The following HDAC9 variants were observed in gnomAD, a reference collection of about 807,000 sequenced individuals.
HDAC9 encodes histone deacetylase 9.
A neutral mutation model predicts 139.4 loss-of-function variants in HDAC9; 41 were observed. That is an observed-to-expected ratio of 0.29 (90% confidence interval 0.23 to 0.38). The LOEUF is 0.38. Among genes scored for constraint, HDAC9 ranks in the 10% least tolerant of loss-of-function variants. HDAC9 has a pLI of 1.00. For missense variants in HDAC9, 1,147 were observed against 1,297.0 expected, an observed-to-expected ratio of 0.88 and a Z score of 1.78; for synonymous variants, 517 against 476.2, an observed-to-expected ratio of 1.09 and a Z score of -1.12.
chr7:18,169,240 A>G (rs1788233199), intron 2 of HDAC9, among the ~76,000 whole-genome samples: 1 of 152,058 alleles, frequency 6.6e-6, no homozygotes, highest in African/African-American at 2.4e-5. Context: ...CCCAGCCTGC[A>G]AAAGTATTTT....
chr7:18,801,452 G>A (rs377211342), intron 17 of HDAC9, among the ~76,000 whole-genome samples: 12 of 151,932 alleles, frequency 7.9e-5, no homozygotes, highest in African/African-American at 2.9e-4. Context: ...CCTTGGTTAT[G>A]ATTTATTATC....
intron 2 of HDAC9, among the ~76,000 whole-genome samples, chr7:18,269,436 T>A (rs1354735466): frequency 6.6e-6 from 1 of 152,038 alleles, no homozygotes; most frequent in South Asian, 2.1e-4. Flanking sequence ...AGTCTAAAGG[T>A]TTAAAAGAGA....
intron 2 of HDAC9, among the ~76,000 whole-genome samples, chr7:18,547,600 A>T (rs1815416657): frequency 6.6e-6 from 1 of 152,178 alleles, no homozygotes. Flanking sequence ...TTTTCCTTTC[A>T]TGAAAGATTT....
chr7:18,413,037 A>G (rs1475850578), intron 1 of HDAC9, among the ~76,000 whole-genome samples: 1 of 152,226 alleles, frequency 6.6e-6, no homozygotes, highest in Non-Finnish European at 1.5e-5. Context: ...TAGCTTAAGT[A>G]AATTGTAAAA....
chr7:18,275,717 G>A (rs559384047), intron 2 of HDAC9, among the ~76,000 whole-genome samples: 10 of 152,084 alleles, frequency 6.6e-5, no homozygotes, highest in African/African-American at 1.4e-4. Flanking sequence ...GTTTGTTTAC[G>A]TGGCCTTTCC....
At chr7:18,396,560 T>C (rs1787083388) in intron 1 of HDAC9, among the ~76,000 whole-genome samples, 1 of 152,146 alleles carries the variant, frequency 6.6e-6, no homozygotes, top group South Asian at 2.1e-4. Flanking sequence ...CTTGATTTTT[T>C]ACTTGAATTA....
chr7:18,919,710 G>A (rs887238591), intron 22 of HDAC9, among the ~76,000 whole-genome samples: 9 of 151,932 alleles, frequency 5.9e-5, no homozygotes, highest in South Asian at 2.1e-4. Flanking sequence ...CCTAGACCTG[G>A]AATAACAATG....
chr7:18,922,996 G>C (rs1363525536), intron 22 of HDAC9, among the ~76,000 whole-genome samples: 1 of 152,052 alleles, frequency 6.6e-6, no homozygotes, highest in Non-Finnish European at 1.5e-5. Context: ...TTATTAGGAT[G>C]AGTTACACAA....
intron 17 of HDAC9, among the ~76,000 whole-genome samples, chr7:18,801,970 G>A (rs1249610168): frequency 6.6e-6 from 1 of 151,710 alleles, no homozygotes; most frequent in African/African-American, 2.4e-5. Context: ...GATCAACTCT[G>A]TCAGAAGTTT....
chr7:18,689,850 G>A (rs947266435), intron 12 of HDAC9, among the ~76,000 whole-genome samples: 2 of 151,760 alleles, frequency 1.3e-5, no homozygotes, highest in Non-Finnish European at 2.9e-5. Context: ...CTAGGGAGAG[G>A]GAATAATCCA....
chr7:18,154,943 A>G (rs535324416), intron 1 of HDAC9, among the ~76,000 whole-genome samples: 101 of 152,336 alleles, frequency 6.6e-4, no homozygotes, highest in African/African-American at 2.4e-3. Flanking sequence ...CGTGTGAGTT[A>G]CAAAGCCCTC....
chr7:18,475,635 A>T (rs1022565521), intron 1 of HDAC9, among the ~76,000 whole-genome samples: 2 of 152,194 alleles, frequency 1.3e-5, no homozygotes, highest in Non-Finnish European at 2.9e-5. Flanking sequence ...ATGCAGCTGC[A>T]TAATTATACA....
chr7:18,090,456 A>G (rs1208692346), intron 1 of HDAC9, among the ~76,000 whole-genome samples: 1 of 152,220 alleles, frequency 6.6e-6, no homozygotes, highest in Non-Finnish European at 1.5e-5. Context: ...ACACCTCTGC[A>G]GAATATTTGT....
intron 12 of HDAC9, among the ~76,000 whole-genome samples, chr7:18,693,955 A>G (rs1782850606): frequency 6.6e-6 from 1 of 152,212 alleles, no homozygotes; most frequent in African/African-American, 2.4e-5. Flanking sequence ...GTAAACTAGT[A>G]GCCAACTAAA....
intron 1 of HDAC9, among the ~76,000 whole-genome samples, chr7:18,155,921 C>T (rs775097104): frequency 1.8e-4 from 28 of 152,124 alleles, no homozygotes; most frequent in Non-Finnish European, 3.2e-4. Context: ...GTTAAATCAC[C>T]GACTGCATTG....
intron 1 of HDAC9, among the ~76,000 whole-genome samples, chr7:18,380,041 T>G (rs778227373): frequency 4.6e-5 from 7 of 152,100 alleles, no homozygotes; most frequent in Non-Finnish European, 7.4e-5. Flanking sequence ...ACCAATTGAG[T>G]TCTTAAAGAC....
chr7:18,601,434 C>T (rs1583933507), intron 6 of HDAC9, among the ~76,000 whole-genome samples: 1 of 151,894 alleles, frequency 6.6e-6, no homozygotes. Flanking sequence ...TACTTTATTT[C>T]TTCATTCCCA....
At chr7:18,168,507 G>A (rs1252577353) in intron 2 of HDAC9, among the ~76,000 whole-genome samples, 1 of 152,080 alleles carries the variant, frequency 6.6e-6, no homozygotes, top group African/African-American at 2.4e-5. Context: ...CCTTTATGGA[G>A]GATTTTTTTG....
Position 18,324,313 on chromosome 7 carries a change from C to T in HDAC9, c.-42+33798C>T, listed in dbSNP as rs140769597. ...CATGCTGATGTGATTATAGAAGAAG[C>T]TTTCAAATTAGGCAAACCCCGGTTC... On this transcript the variant is annotated intron_variant, in intron 1 of 3. Transcript: ENST00000413509. Among the ~76,000 whole-genome samples the T allele has an allele frequency of 9.7e-4, 148 of 152,196 alleles. 1 individual carries two copies. In the East Asian group the frequency reaches 0.024, roughly 25 times the overall value.
Sources: allele counts gnomAD v4.1 joint callset (sites outside exome capture counted in the v4.1 genomes callset), GRCh38; gene constraint gnomAD v4.1.1; transcripts MANE v1.5; gene names NCBI Gene and HGNC (gene_info 2026-07-23, HGNC 2026-07-21).